IGSF21: variants seen among roughly 807,000 people sequenced by gnomAD.
The protein encoded by IGSF21 is immunoglobin superfamily member 21.
IGSF21 carries 28 observed loss-of-function variants against 46.8 expected under a neutral mutation model. The observed-to-expected ratio is 0.60, with a 90% CI of 0.44 to 0.82. The LOEUF (loss-of-function observed/expected upper bound fraction) is 0.82, where lower values mean the gene tolerates loss of function less well. IGSF21 is among the 40% of genes least tolerant of loss of function. IGSF21 has a pLI of 0.00. For missense variants in IGSF21, 624 were observed against 665.5 expected (o/e 0.94, Z 0.69); for synonymous variants, 284 against 273.6 (o/e 1.04, Z -0.38).
intron 1 of IGSF21, among the ~76,000 whole-genome samples, chr1:18,206,746 A>G (rs948220432): frequency 6.6e-6 from 1 of 152,144 alleles, no homozygotes; most frequent in Non-Finnish European, 1.5e-5. Context: ...GGCCATGGAG[A>G]GGACTTTGGC....
intron 1 of IGSF21, among the ~76,000 whole-genome samples, chr1:18,143,018 G>A (rs2086432309): frequency 6.6e-6 from 1 of 152,310 alleles, no homozygotes; most frequent in Admixed American, 6.5e-5. Context: ...GGGGACCCCA[G>A]GATGCCCAGA....
intron 2 of IGSF21, among the ~76,000 whole-genome samples, chr1:18,288,895 AGTG>A (rs2085240741): frequency 4.6e-5 from 7 of 152,216 alleles, no homozygotes; most frequent in Non-Finnish European, 8.8e-5. Flanking sequence ...TCTGGCTGAC[AGTG>A]AGGCCCTGAC....
chr1:18,192,794 A>G (rs1403917222), intron 1 of IGSF21, among the ~76,000 whole-genome samples: 1 of 151,972 alleles, frequency 6.6e-6, no homozygotes, highest in Non-Finnish European at 1.5e-5. Flanking sequence ...AATTGGGATA[A>G]TCTCCCTCCT....
chr1:18,331,039 G>A (rs750599519), intron 3 of IGSF21, among the ~76,000 whole-genome samples: 6 of 152,074 alleles, frequency 3.9e-5, no homozygotes, highest in Non-Finnish European at 5.9e-5. Context: ...TATTTTTATC[G>A]AATTGATATT....
chr1:18,160,698 G>A (rs1231869847), intron 1 of IGSF21, among the ~76,000 whole-genome samples: 2 of 152,180 alleles, frequency 1.3e-5, no homozygotes, highest in African/African-American at 2.4e-5. Context: ...CCACTGATGG[G>A]GGGAACTAAA....
chr1:18,160,627 G>C (rs1316078890), intron 1 of IGSF21, among the ~76,000 whole-genome samples: 1 of 152,120 alleles, frequency 6.6e-6, no homozygotes, highest in African/African-American at 2.4e-5. Context: ...GGGAAGGACC[G>C]GGCACTCAGA....
At chr1:18,240,013 C>T (rs1011649274) in intron 2 of IGSF21, among the ~76,000 whole-genome samples, 1 of 152,216 alleles carries the variant, frequency 6.6e-6, no homozygotes, top group Non-Finnish European at 1.5e-5. Flanking sequence ...GGCTGTGGCT[C>T]ATGCCTGTAA....
chr1:18,125,040 C>T (rs1220501108), intron 1 of IGSF21, among the ~76,000 whole-genome samples: 1 of 152,102 alleles, frequency 6.6e-6, no homozygotes, highest in Non-Finnish European at 1.5e-5. Context: ...AGAGAAACTA[C>T]TGTGCAACGT....
intron 1 of IGSF21, among the ~76,000 whole-genome samples, chr1:18,209,692 C>T (rs529302251): frequency 6.6e-6 from 1 of 151,254 alleles, no homozygotes; most frequent in East Asian, 2.0e-4. Flanking sequence ...AAACTCCTAA[C>T]CTTGTGATTT....
At chr1:18,326,139 G>A (rs2085655976) in intron 3 of IGSF21, among the ~76,000 whole-genome samples, 1 of 152,128 alleles carries the variant, frequency 6.6e-6, no homozygotes, top group South Asian at 2.1e-4. Context: ...TTTATCGCCA[G>A]TTTTATTAGC....
intron 1 of IGSF21, among the ~76,000 whole-genome samples, chr1:18,158,369 A>G (rs1254398705): frequency 6.6e-6 from 1 of 152,220 alleles, no homozygotes; most frequent in Non-Finnish European, 1.5e-5. Context: ...GGTAAGAGGC[A>G]TATAATGAAG....
intron 2 of IGSF21, among the ~76,000 whole-genome samples, chr1:18,244,237 G>A (rs547031463): frequency 5.9e-5 from 9 of 152,214 alleles, no homozygotes; most frequent in African/African-American, 1.9e-4. Context: ...CATTGCCCCC[G>A]GTCGGGAGAT....
chr1:18,186,748 C>G (rs566854338), intron 1 of IGSF21, among the ~76,000 whole-genome samples: 1 of 152,290 alleles, frequency 6.6e-6, no homozygotes, highest in South Asian at 2.1e-4. Context: ...GGGGTTCAGT[C>G]CAACTTCAGT....
chr1:18,253,105 T>G (rs945777577), intron 2 of IGSF21, among the ~76,000 whole-genome samples: 4 of 152,170 alleles, frequency 2.6e-5, no homozygotes, highest in Non-Finnish European at 5.9e-5. Context: ...GCTTAGGAAC[T>G]CACTCTACCA....
Position 18,365,101 on chromosome 1 carries a change from A to G in IGSF21, c.541-122A>G. On this transcript the variant is annotated intron_variant, in intron 5 of 9. Coordinates refer to ENST00000251296, the MANE Select transcript of IGSF21 (RefSeq NM_032880.5). This position sits in a 1 kb window ranked among gnomAD's most constrained non-coding sequence, Gnocchi z 4.8. ...AAGGGAAAAGAGTGGGGTGAGGGCT[A>G]CTGTCTAGACTACTATGCTCTGGAA... is the stretch of plus-strand genomic sequence containing the variant. The G allele has an allele frequency of 1.4e-6, 1 of 719,118 alleles. No homozygotes were observed. The highest frequency in any genetic ancestry group is 2.4e-6 in the Non-Finnish European group (1 of 419,386). 44.5% of individuals were successfully genotyped at this position (719,118 alleles called of 1,614,324 possible). A position where few individuals can be genotyped will look rare whatever the true frequency, so the allele number is the denominator to read the frequency against.
intron 2 of IGSF21, among the ~76,000 whole-genome samples, chr1:18,251,762 C>G (rs1033665903): frequency 2.0e-5 from 3 of 152,066 alleles, no homozygotes; most frequent in Admixed American, 6.6e-5. Flanking sequence ...ATCTTCCTGA[C>G]TAGGAGAGCT....
intron 2 of IGSF21, among the ~76,000 whole-genome samples, chr1:18,231,787 A>G (rs532943046): frequency 6.6e-6 from 1 of 152,274 alleles, no homozygotes; most frequent in Admixed American, 6.5e-5. Flanking sequence ...TTTCTTTTGC[A>G]GCCTCTGGAA....
chr1:18,137,827 T>G (rs2086381210), intron 1 of IGSF21, among the ~76,000 whole-genome samples: 1 of 152,170 alleles, frequency 6.6e-6, no homozygotes, highest in Non-Finnish European at 1.5e-5. Flanking sequence ...TCTAAGCGCT[T>G]ATAAATATTA....
At chr1:18,355,299 G>T (rs1379996279) in intron 4 of IGSF21, among the ~76,000 whole-genome samples, 1 of 152,202 alleles carries the variant, frequency 6.6e-6, no homozygotes, top group Non-Finnish European at 1.5e-5. Context: ...GAGCAAAGAG[G>T]AGCTGCTGCA....
Sources: allele counts gnomAD v4.1 joint callset (sites outside exome capture counted in the v4.1 genomes callset), GRCh38; gene constraint gnomAD v4.1.1; non-coding constraint Gnocchi (gnomAD v3.1); transcripts MANE v1.5; gene names NCBI Gene and HGNC (gene_info 2026-07-23, HGNC 2026-07-21).